Variants in LAPTM4B observed in about 807,000 individuals in gnomAD.
LAPTM4B encodes the protein lysosomal-associated transmembrane protein 4B.
LAPTM4B carries 26 observed loss-of-function variants against 28.5 expected under a neutral mutation model. The observed-to-expected ratio is 0.91, with a 90% confidence interval of 0.67 to 1.27. The LOEUF is 1.27. Among genes scored for constraint, LAPTM4B ranks in the 50% most tolerant of loss-of-function variants. LAPTM4B has a pLI of 0.00. For missense variants in LAPTM4B, 288 were observed against 285.8 expected, an observed-to-expected ratio of 1.01 and a Z score of -0.06; for synonymous variants, 109 against 106.4, an observed-to-expected ratio of 1.02 and a Z score of -0.15.
chr8:97,831,256 T>C (rs113909142), intron 6 of LAPTM4B, among the ~76,000 whole-genome samples: 4 of 152,334 alleles, frequency 2.6e-5, no homozygotes, highest in African/African-American at 9.6e-5. Context: ...TGAGGAATTA[T>C]GTCAGTTAGG....
At chr8:97,839,543 C>A (rs1817313958) in intron 6 of LAPTM4B, among the ~76,000 whole-genome samples, 1 of 152,266 alleles carries the variant, frequency 6.6e-6, no homozygotes, top group Non-Finnish European at 1.5e-5. Context: ...TATCTCCGAG[C>A]CATATAACTT....
chr8:97,800,200 A>T (rs896162533), intron 1 of LAPTM4B, among the ~76,000 whole-genome samples: 1 of 152,206 alleles, frequency 6.6e-6, no homozygotes, highest in African/African-American at 2.4e-5. Context: ...AGTAGACTCC[A>T]CGGGGGAATA....
intron 6 of LAPTM4B, among the ~76,000 whole-genome samples, chr8:97,827,161 C>T (rs1586339266): frequency 6.6e-6 from 1 of 152,332 alleles, no homozygotes; most frequent in South Asian, 2.1e-4. Context: ...GCTCTTAACT[C>T]TTCATAGCCA....
At chr8:97,835,562 A>G (rs1296496212) in intron 6 of LAPTM4B, among the ~76,000 whole-genome samples, 1 of 152,210 alleles carries the variant, frequency 6.6e-6, no homozygotes, top group Non-Finnish European at 1.5e-5. Flanking sequence ...TGTGGATTTT[A>G]TTGAGTAGTC....
In LAPTM4B at chr8:97,816,988, G is replaced by A. The variant is rs79510182; in HGVS notation, c.408+808G>A. On this transcript the variant is annotated intron_variant, in intron 4 of 6. Transcript: ENST00000521545. ...AGTGGAAAGAAAGTGGAACACTGCT[G>A]TATACTAGCTCCCAAATTTGTTTGA... 4.6e-3 allele frequency among the ~76,000 whole-genome samples: 695 copies of A among 152,198 alleles called. 3 individuals carry two copies. The highest frequency in any genetic ancestry group is 0.016 in the African/African-American group (661 of 41,514).
Position 97,805,483 on chromosome 8 carries a change from G to A in LAPTM4B, c.211+19G>A. The A allele has an allele frequency of 3.6e-6, 5 of 1,382,428 alleles. No homozygotes were observed. The East Asian group carries it at 6.8e-5, about 19-fold the overall frequency. 85.6% of individuals were successfully genotyped at this position (1,382,428 alleles called of 1,614,324 possible). On this transcript the variant is annotated intron_variant, in intron 2 of 6. Coordinates refer to ENST00000521545, the MANE Select transcript of LAPTM4B (RefSeq NM_018407.6). ...GATGCCAGTAAGTAGTAGATATTTG[G>A]GTATTTTCAAGGGCAGGGAATCTGA...
At chr8:97,810,067 C>T (rs1012812271) in intron 2 of LAPTM4B, among the ~76,000 whole-genome samples, 2 of 152,076 alleles carry the variant, frequency 1.3e-5, no homozygotes, top group African/African-American at 4.8e-5. Flanking sequence ...GTAGCTGTAA[C>T]TAGAGGCATG....
In LAPTM4B at chr8:97,787,186, G is replaced by A. The variant is rs184452593; in HGVS notation, c.99+11078G>A. 5.3e-3 allele frequency among the ~76,000 whole-genome samples: 805 copies of A among 152,182 alleles called. 5 individuals are homozygous for A. Among genetic ancestry groups the A allele is most frequent in the Middle Eastern group, 0.014 (4 of 294 alleles). ...GGACAAGGAGCTTTATTTTTTTAAGGATGTGAAATGGAAAATGCACACATC... is the reference window on the plus strand; with the variant it reads ...GGACAAGGAGCTTTATTTTTTTAAGAATGTGAAATGGAAAATGCACACATC... On this transcript the variant is annotated intron_variant, in intron 1 of 6. Coordinates refer to ENST00000521545, the MANE Select transcript of LAPTM4B (RefSeq NM_018407.6).
At chr8:97,826,672 C>A (rs1346772492) in intron 6 of LAPTM4B, among the ~76,000 whole-genome samples, 2 of 152,062 alleles carry the variant, frequency 1.3e-5, no homozygotes, top group Admixed American at 1.3e-4. Flanking sequence ...CCACGCCCGG[C>A]TAATTTTTGT....
rs141583062 is a variant in LAPTM4B, at chr8:97,833,600, A to C, written c.603+8447A>C. ...GAAATTAGGTTGTCCCACAGTCTAGATGATTCTGATTGCATGCCTCTCATG... is the reference window on the plus strand; with the variant it reads ...GAAATTAGGTTGTCCCACAGTCTAGCTGATTCTGATTGCATGCCTCTCATG... On this transcript the variant is annotated intron_variant, in intron 6 of 6. Coordinates refer to ENST00000521545, the MANE Select transcript of LAPTM4B (RefSeq NM_018407.6). 2.4e-4 allele frequency among the ~76,000 whole-genome samples: 37 copies of C among 152,296 alleles called. 1 individual carries two copies. In the Middle Eastern group the frequency reaches 0.017, roughly 70 times the overall value.
chr8:97,790,900 C>T lies in LAPTM4B; in HGVS notation c.100-14453C>T, dbSNP rs555862928. Among the ~76,000 whole-genome samples, 7 of 152,190 alleles carry T rather than the reference C, an allele frequency of 4.6e-5. No individual in the cohort carries two copies. In the South Asian group the frequency reaches 8.3e-4, roughly 18 times the overall value. On this transcript the variant is annotated intron_variant, in intron 1 of 6. Transcript: ENST00000521545. ...GATTACAGGTGTGTGCCACTGAGCC[C>T]GTCCTAGCTTTTTGTTTTTTTGAGA... is the stretch of plus-strand genomic sequence containing the variant.
intron 1 of LAPTM4B, among the ~76,000 whole-genome samples, chr8:97,795,321 C>T (rs1214103815): frequency 3.9e-5 from 6 of 151,976 alleles, no homozygotes; most frequent in African/African-American, 1.5e-4. Flanking sequence ...AACTCCTGGT[C>T]TCAGTGGATC....
chr8:97,852,683 A>C lies in LAPTM4B; in HGVS notation c.*1209A>C. ...CTGGCAGATGCACCCAGTTCAGCCT[A>C]AGGAGTAGGCTTTTTTTTGGGGGGG... On this transcript the variant is annotated 3_prime_UTR_variant, in exon 7 of 7. Transcript: ENST00000521545. The C allele has an allele frequency of 7.3e-6, 1 of 137,402 alleles. No individual in the cohort carries two copies. The highest frequency in any genetic ancestry group is 1.3e-5 in the Non-Finnish European group (1 of 78,532). The allele number at this position is 137,402 out of a possible 1,614,324, so 8.5% of individuals were successfully genotyped here.
At chr8:97,790,935 C>G (rs1010833409) in intron 1 of LAPTM4B, among the ~76,000 whole-genome samples, 2 of 152,128 alleles carry the variant, frequency 1.3e-5, no homozygotes, top group African/African-American at 4.8e-5. Flanking sequence ...ACAGGGGTCT[C>G]ACTTTATTTC....
At chr8:97,804,487 T>G (rs528346047) in intron 1 of LAPTM4B, among the ~76,000 whole-genome samples, 10 of 152,344 alleles carry the variant, frequency 6.6e-5, no homozygotes, top group African/African-American at 2.2e-4. Context: ...AAATCCCATC[T>G]CTACAGCTTG....
Position 97,785,854 on chromosome 8 carries a change from A to C in LAPTM4B, c.99+9746A>C, listed in dbSNP as rs118144362. 4.2e-3 allele frequency among the ~76,000 whole-genome samples: 644 copies of C among 152,312 alleles called. 34 individuals carry two copies. The East Asian group carries it at 0.11, about 26-fold the overall frequency. The stretch of plus-strand genomic sequence containing the variant: ...TAGAAAGTGATTGCTGTATCGTTTT[A>C]ATGTCTCTCTGGGCCTGATAATAAA... On this transcript the variant is annotated intron_variant, in intron 1 of 6. Coordinates refer to ENST00000521545, the MANE Select transcript of LAPTM4B (RefSeq NM_018407.6).
intron 6 of LAPTM4B, among the ~76,000 whole-genome samples, chr8:97,836,082 C>G (rs1278546644): frequency 6.6e-6 from 1 of 152,134 alleles, no homozygotes; most frequent in Admixed American, 6.6e-5. Context: ...GCCCCCTCAC[C>G]CCCTCATCAA....
intron 6 of LAPTM4B, among the ~76,000 whole-genome samples, chr8:97,838,604 T>C (rs969627751): frequency 2.6e-5 from 4 of 152,228 alleles, no homozygotes; most frequent in African/African-American, 9.6e-5. Context: ...CTGATCAGCC[T>C]GGCTGCAGGC....
chr8:97,836,055 G>A (rs1046976392), intron 6 of LAPTM4B, among the ~76,000 whole-genome samples: 4 of 152,092 alleles, frequency 2.6e-5, no homozygotes, highest in Admixed American at 6.6e-5. Flanking sequence ...GTTTCATCCC[G>A]AAACCATCAT....
Sources: allele counts gnomAD v4.1 joint callset (sites outside exome capture counted in the v4.1 genomes callset), GRCh38; gene constraint gnomAD v4.1.1; transcripts MANE v1.5; gene names NCBI Gene and HGNC (gene_info 2026-07-23, HGNC 2026-07-21).